The following PLEKHG4B variants were observed in gnomAD, a reference collection of about 807,000 sequenced individuals.
PLEKHG4B encodes the protein pleckstrin homology domain-containing family G member 4B.
Under a neutral mutation model 121.3 loss-of-function variants are expected in PLEKHG4B, and 111 were observed. The ratio of observed to expected loss-of-function variants is 0.92; its 90% CI spans 0.78 to 1.07. The LOEUF is 1.07. Ranked by LOEUF, PLEKHG4B falls within the 50% of genes least tolerant of loss-of-function variation. PLEKHG4B has a pLI of 0.00. For missense variants in PLEKHG4B, 1,831 were observed against 1,757.8 expected (o/e 1.04, Z -0.74); for synonymous variants, 738 against 725.0 (o/e 1.02, Z -0.29).
intron 1 of PLEKHG4B, among the ~76,000 whole-genome samples, chr5:99,184 A>AC (rs1560892478): frequency 1.3e-4 from 13 of 96,408 alleles, no homozygotes; most frequent in African/African-American, 6.9e-4. Context: ...ATATATATAT[A>AC]TATATATATA....
intron 13 of PLEKHG4B, among the ~76,000 whole-genome samples, chr5:163,988 G>A (rs936525633): frequency 1.8e-4 from 28 of 152,362 alleles, no homozygotes; most frequent in Non-Finnish European, 3.1e-4. Flanking sequence ...CTCACTTGTC[G>A]AGCCTGCAAA....
rs1456574034 is a variant in PLEKHG4B at position 181,631 on chromosome 5, C to T, written c.4520C>T (p.Ala1507Val). ...ATAAGCGACCGGGCTCCCAAATGTGCAGTGATGAGCGACCGAGTCCCCGAC... is the reference window on the plus strand; with the variant it reads ...ATAAGCGACCGGGCTCCCAAATGTGTAGTGATGAGCGACCGAGTCCCCGAC... Reference protein sequence around the residue: ...AVISDRAPKCAVMSDRVPDSI... With the variant: ...AVISDRAPKCVVMSDRVPDSI... The change falls in exon 19 of 20, where the codon GCA becomes GTA. Residue 1507 changes from alanine to valine, a missense_variant. Transcript: ENST00000637938. 6.2e-7 allele frequency: 1 copy of T among 1,613,854 alleles called. No individual in the cohort carries two copies.
chr5:156,227 G>A lies in PLEKHG4B; in HGVS notation c.2348+17G>A. 6.8e-7 allele frequency: 1 copy of A among 1,478,514 alleles called. No homozygotes were observed. The highest frequency in any genetic ancestry group is 9.0e-7 in the Non-Finnish European group (1 of 1,107,730). The allele number at this position is 1,478,514 out of a possible 1,614,324, so 91.6% of individuals were successfully genotyped here. A position where few individuals can be genotyped will look rare whatever the true frequency, so the allele number is the denominator to read the frequency against. ...AGACAGCCGGTGAGCGCTCACAGGGGTCATGCTGGGCCCTGGCCCATCGAG... is the reference window on the plus strand; with the variant it reads ...AGACAGCCGGTGAGCGCTCACAGGGATCATGCTGGGCCCTGGCCCATCGAG... On this transcript the variant is annotated intron_variant, in intron 10 of 19. Coordinates refer to ENST00000637938, the MANE Select transcript of PLEKHG4B (RefSeq NM_052909.5). This position sits in a 1 kb window ranked among gnomAD's most constrained non-coding sequence, Gnocchi z 4.4.
intron 13 of PLEKHG4B, among the ~76,000 whole-genome samples, chr5:165,533 G>A (rs1579315915): frequency 4.1e-5 from 2 of 48,830 alleles, no homozygotes; most frequent in Admixed American, 1.8e-4. Context: ...CTCTGACGGG[G>A]CGGGGCTCAC....
At chr5:135,665 CAAAAA>C (rs139636561) in intron 2 of PLEKHG4B, among the ~76,000 whole-genome samples, 274 of 18,014 alleles carry the variant, frequency 0.015, 6 homozygotes, top group South Asian at 0.028. Context: ...GACTCCATCT[CAAAAA>C]AAAAAAAAAA....
chr5:182,994 A>G lies in PLEKHG4B; in HGVS notation c.*671A>G, dbSNP rs922915121. 6.5e-6 allele frequency: 1 copy of G among 152,720 alleles called. No homozygotes were observed. Among genetic ancestry groups the G allele is most frequent in the African/African-American group, 2.4e-5 (1 of 41,410 alleles). 9.5% of individuals were successfully genotyped at this position (152,720 alleles called of 1,614,324 possible). ...TGGGCTGGGGACAGGACCCGTTCCC[A>G]CCAGCCAGACTAGGGAAACTCTCAA... On this transcript the variant is annotated 3_prime_UTR_variant, in exon 20 of 20. Coordinates refer to ENST00000637938, the MANE Select transcript of PLEKHG4B (RefSeq NM_052909.5).
chr5:124,807 C>T (rs1734566673), intron 2 of PLEKHG4B, among the ~76,000 whole-genome samples: 1 of 152,048 alleles, frequency 6.6e-6, no homozygotes, highest in Non-Finnish European at 1.5e-5. Context: ...TTGTGGACAC[C>T]ATATAGTTGG....
At chr5:109,423 C>A (rs748320799) in intron 1 of PLEKHG4B, among the ~76,000 whole-genome samples, 2,779 of 119,634 alleles carry the variant, frequency 0.023, 42 homozygotes, top group Non-Finnish European at 0.033. Context: ...AAAAAAAAAT[C>A]CAGCCAGAGG....
At chr5:169,214 CT>C (rs1736453518) in intron 13 of PLEKHG4B, 125 bp from the exon 14 acceptor site, 2 of 1,327,480 alleles carry the variant, frequency 1.5e-6, no homozygotes, top group Admixed American at 4.4e-5. Context: ...GCCCATGTGC[CT>C]CCAGTCCACA....
At position 187,967 on chromosome 5, in the gene PLEKHG4B, T is replaced by C. The variant is rs1358992319; in HGVS notation, c.*5644T>C. On this transcript the variant is annotated 3_prime_UTR_variant, in exon 20 of 20. Coordinates refer to ENST00000637938, the MANE Select transcript of PLEKHG4B (RefSeq NM_052909.5). ...CCACCTCCCCGGGTTCCCTCGAGCATTCCTTTGTCAGGAGCAGCTCCCCCA... is the reference window on the plus strand; with the variant it reads ...CCACCTCCCCGGGTTCCCTCGAGCACTCCTTTGTCAGGAGCAGCTCCCCCA... The C allele has an allele frequency of 6.6e-6, 1 of 152,536 alleles. No homozygotes were observed. Among genetic ancestry groups the C allele is most frequent in the African/African-American group, 2.4e-5 (1 of 41,468 alleles). The allele number at this position is 152,536 out of a possible 1,614,324, so 9.4% of individuals were successfully genotyped here.
chr5:141,710 C>CTTTTTT (rs1735210144), intron 3 of PLEKHG4B, among the ~76,000 whole-genome samples: 2 of 126,492 alleles, frequency 1.6e-5, no homozygotes, highest in Non-Finnish European at 3.2e-5. Flanking sequence ...TTAAATATTT[C>CTTTTTT]ATTTTTTTTT....
rs2126471229 is a variant in PLEKHG4B at position 183,478 on chromosome 5, A to G, written c.*1155A>G. The stretch of plus-strand genomic sequence containing the variant: ...GGCGTCCAGAAAGTTAAAGTTAAGA[A>G]CCTATAATCCCAGCACTTTGGGAGG... On this transcript the variant is annotated 3_prime_UTR_variant, in exon 20 of 20. Transcript: ENST00000637938. 6.6e-6 allele frequency: 1 copy of G among 152,320 alleles called. No individual in the cohort carries two copies. Among genetic ancestry groups the G allele is most frequent in the East Asian group, 1.9e-4 (1 of 5,178 alleles). 9.4% of individuals were successfully genotyped at this position (152,320 alleles called of 1,614,324 possible). A position where few individuals can be genotyped will look rare whatever the true frequency, so the allele number is the denominator to read the frequency against.
At position 173,037 on chromosome 5, in the gene PLEKHG4B, C is replaced by T. The variant is rs764785964; in HGVS notation, c.4191C>T (p.His1397=). The change falls in exon 17 of 20, where the codon CAC becomes CAT. Residue 1397 remains histidine (H), a synonymous_variant. Transcript: ENST00000637938. ...AGACCCAGAAGGTGGAGGGCAGCCACGACGTCTACCTGTACAAGCAGTCCT... is the reference window on the plus strand; with the variant it reads ...AGACCCAGAAGGTGGAGGGCAGCCATGACGTCTACCTGTACAAGCAGTCCT... ...FSKTQKVEGS[H]DVYLYKQSFK... The T allele has an allele frequency of 3.1e-6, 5 of 1,614,124 alleles. No homozygotes were observed. Among genetic ancestry groups the T allele is most frequent in the South Asian group, 2.2e-5 (2 of 91,082 alleles).
At position 157,071 on chromosome 5, in the gene PLEKHG4B, A is replaced by G; in HGVS notation, c.2487+160A>G. On this transcript the variant is annotated intron_variant, in intron 11 of 19. Transcript: ENST00000637938. This position sits in a 1 kb window ranked among gnomAD's most constrained non-coding sequence, Gnocchi z 4.6. Reference sequence around the variant, plus strand: ...TAGGGCATGCCTTGCTGCTTGTGTAAAAAGAAATAAATTTTATTTTTTACG... The same window carrying G: ...TAGGGCATGCCTTGCTGCTTGTGTAGAAAGAAATAAATTTTATTTTTTACG... 3 of 1,088,988 alleles carry G rather than the reference A, an allele frequency of 2.8e-6. No individual in the cohort carries two copies. The highest frequency in any genetic ancestry group is 4.0e-6 in the Non-Finnish European group (3 of 747,018). The allele number at this position is 1,088,988 out of a possible 1,614,324, so 67.5% of individuals were successfully genotyped here.
At chr5:136,637 G>A (rs756097899) in intron 2 of PLEKHG4B, among the ~76,000 whole-genome samples, 7 of 152,208 alleles carry the variant, frequency 4.6e-5, no homozygotes, top group African/African-American at 1.7e-4. Flanking sequence ...CATTGTGATA[G>A]CTTTTAAAGG....
At chr5:101,244 A>T (rs1733799739) in intron 1 of PLEKHG4B, among the ~76,000 whole-genome samples, 1 of 125,512 alleles carries the variant, frequency 8.0e-6, no homozygotes, top group Non-Finnish European at 1.6e-5. Context: ...CCCTGGAAAA[A>T]GTCTGTAGGG....
chr5:131,639 T>G (rs1254502685), intron 2 of PLEKHG4B, among the ~76,000 whole-genome samples: 1 of 152,208 alleles, frequency 6.6e-6, no homozygotes, highest in Non-Finnish European at 1.5e-5. Flanking sequence ...AGTAATGGGA[T>G]CACTGGGTCA....
intron 2 of PLEKHG4B, among the ~76,000 whole-genome samples, chr5:116,423 GAC>G (rs542658018): frequency 9.1e-4 from 139 of 152,298 alleles, no homozygotes; most frequent in African/African-American, 3.3e-3. Flanking sequence ...GTGACACAGA[GAC>G]ACAGGGTTGC....
chr5:94,841 C>T (rs1325225961), intron 1 of PLEKHG4B, among the ~76,000 whole-genome samples: 1 of 152,096 alleles, frequency 6.6e-6, no homozygotes, highest in Non-Finnish European at 1.5e-5. Flanking sequence ...GCCAGTAGCT[C>T]AGCCTCTCTG....
Sources: allele counts gnomAD v4.1 joint callset (sites outside exome capture counted in the v4.1 genomes callset), GRCh38; gene constraint gnomAD v4.1.1; non-coding constraint Gnocchi (gnomAD v3.1); transcripts MANE v1.5; gene names NCBI Gene and HGNC (gene_info 2026-07-23, HGNC 2026-07-21).